The following EPB41 variants were observed in gnomAD, a reference collection of about 807,000 sequenced individuals.
The protein encoded by EPB41 is protein 4.1.
A neutral mutation model predicts 108.0 loss-of-function variants in EPB41; 65 were observed. That is an observed-to-expected ratio of 0.60 (90% CI 0.49 to 0.74). The LOEUF (loss-of-function observed/expected upper bound fraction) is 0.74. EPB41 is among the 30% of genes least tolerant of loss of function. The pLI is 0.00. For synonymous variants in EPB41, 336 were observed against 358.9 expected, an observed-to-expected ratio of 0.94 and a Z score of 0.72; for missense variants, 875 against 1,037.0, an observed-to-expected ratio of 0.84 and a Z score of 2.15.
intron 16 of EPB41, chr1:29,071,011 A>G (rs1651091916): frequency 6.3e-6 from 1 of 158,890 alleles, no homozygotes; most frequent in Non-Finnish European, 1.4e-5. Context: ...TATTTTCCTA[A>G]TCCTCTATAG....
At chr1:28,974,512 C>T (rs541366807) in intron 1 of EPB41, among the ~76,000 whole-genome samples, 1 of 152,172 alleles carries the variant, frequency 6.6e-6, no homozygotes, top group Admixed American at 6.5e-5. Flanking sequence ...GAAGAAGACT[C>T]ATACAAACAT....
intron 5 of EPB41, 93 bp downstream of exon 5, chr1:29,012,000 A>G (rs951929130): frequency 2.3e-6 from 3 of 1,315,182 alleles, no homozygotes; most frequent in Non-Finnish European, 3.3e-6. Flanking sequence ...GTCACTTTAG[A>G]ATCCTGACTA....
intron 16 of EPB41, among the ~76,000 whole-genome samples, chr1:29,090,617 G>A (rs1435977267): frequency 6.6e-6 from 1 of 152,172 alleles, no homozygotes; most frequent in Non-Finnish European, 1.5e-5. Context: ...GGGCGCGATG[G>A]CAAATGCCTG....
At chr1:29,065,298 A>G in intron 16 of EPB41, 140 bp downstream of exon 16, 1 of 1,359,272 alleles carries the variant, frequency 7.4e-7, no homozygotes, top group Non-Finnish European at 9.6e-7. Flanking sequence ...GCTTTAAGGC[A>G]TTTGTAATCA....
At chr1:29,057,334 C>G (rs1481114766) in intron 12 of EPB41, among the ~76,000 whole-genome samples, 1 of 137,062 alleles carries the variant, frequency 7.3e-6, no homozygotes, top group Non-Finnish European at 1.5e-5. Flanking sequence ...CGAGATCGCA[C>G]CTGCACTCCA....
At chr1:29,086,977 C>G (rs1161489880) in intron 16 of EPB41, among the ~76,000 whole-genome samples, 3 of 112,516 alleles carry the variant, frequency 2.7e-5, no homozygotes, top group Non-Finnish European at 5.0e-5. Flanking sequence ...CAGAGTCTTG[C>G]TCTGTCGCCC....
At chr1:28,907,214 G>A (rs576612726) in intron 1 of EPB41, among the ~76,000 whole-genome samples, 13 of 151,696 alleles carry the variant, frequency 8.6e-5, no homozygotes, top group East Asian at 3.9e-4. Flanking sequence ...ACAGGTGCCC[G>A]CGACCACACC....
At chr1:29,028,510 C>T (rs1038493185) in intron 7 of EPB41, among the ~76,000 whole-genome samples, 7 of 152,146 alleles carry the variant, frequency 4.6e-5, no homozygotes, top group South Asian at 2.1e-4. Context: ...TCTAGAAATA[C>T]GCATTATTAT....
chr1:29,056,233 CAAA>C (rs1388048465), intron 12 of EPB41, among the ~76,000 whole-genome samples: 79 of 56,542 alleles, frequency 1.4e-3, no homozygotes, highest in Non-Finnish European at 2.5e-3. Context: ...GACTCCGTCT[CAAA>C]AAAAAAAAAA....
At chr1:28,922,773 G>A (rs987004844) in intron 1 of EPB41, among the ~76,000 whole-genome samples, 2 of 151,930 alleles carry the variant, frequency 1.3e-5, no homozygotes, top group East Asian at 3.9e-4. Context: ...GACTATAGGT[G>A]TGTGCTACCA....
chr1:28,940,641 G>C (rs943261976), intron 1 of EPB41, among the ~76,000 whole-genome samples: 1 of 152,044 alleles, frequency 6.6e-6, no homozygotes, highest in Non-Finnish European at 1.5e-5. Flanking sequence ...GACAGAGCGA[G>C]ACTCTGTGTC....
chr1:29,006,233 A>AT (rs1279464099), intron 4 of EPB41, among the ~76,000 whole-genome samples: 2 of 134,572 alleles, frequency 1.5e-5, no homozygotes, highest in Non-Finnish European at 1.6e-5. Context: ...CATCCCAAAG[A>AT]ATTTTTTTTT....
chr1:28,964,420 A>G (rs1474156338), intron 1 of EPB41, among the ~76,000 whole-genome samples: 2 of 150,822 alleles, frequency 1.3e-5, no homozygotes, highest in African/African-American at 4.9e-5. Flanking sequence ...CCAGCCTGTC[A>G]ATAGAGTGAG....
intron 14 of EPB41, among the ~76,000 whole-genome samples, chr1:29,059,235 A>G (rs534657265): frequency 1.3e-5 from 2 of 152,312 alleles, no homozygotes; most frequent in African/African-American, 2.4e-5. Flanking sequence ...AGATCGTGCC[A>G]CCGTGCTCCA....
Position 28,926,029 on chromosome 1 carries a change from C to T in EPB41, c.-8+11261C>T, listed in dbSNP as rs547379431. 6.3e-5 allele frequency among the ~76,000 whole-genome samples: 9 copies of T among 143,880 alleles called. No individual in the cohort carries two copies. The South Asian group carries it at 2.1e-3, about 33-fold the overall frequency. The allele number at this position is 143,880 out of a possible 152,430, so 94.4% of individuals were successfully genotyped here. A position where few individuals can be genotyped will look rare whatever the true frequency, so the allele number is the denominator to read the frequency against. ...AGGAGTTTGAGACTAGCCTGGGCAA[C>T]ATAGAGAGACCCTTGTCTCAAAAAA... On this transcript the variant is annotated intron_variant, in intron 1 of 20. Coordinates refer to ENST00000343067, the MANE Select transcript of EPB41 (RefSeq NM_001376013.1).
chr1:29,102,501 A>G (rs1048584397), intron 17 of EPB41, among the ~76,000 whole-genome samples: 3 of 152,184 alleles, frequency 2.0e-5, no homozygotes, highest in Admixed American at 2.0e-4. Context: ...TCGGGTCAGG[A>G]GTGGGAGGGA....
At chr1:29,042,154 G>A (rs747078054) in intron 11 of EPB41, among the ~76,000 whole-genome samples, 2 of 152,178 alleles carry the variant, frequency 1.3e-5, no homozygotes, top group African/African-American at 4.8e-5. Flanking sequence ...TTTCCATGAT[G>A]TGAGGAAATT....
intron 16 of EPB41, among the ~76,000 whole-genome samples, chr1:29,090,372 T>G (rs906202058): frequency 2.0e-5 from 3 of 152,188 alleles, no homozygotes; most frequent in African/African-American, 7.2e-5. Context: ...CGGATAAATG[T>G]AAGGAAGAAG....
intron 1 of EPB41, among the ~76,000 whole-genome samples, chr1:28,971,135 A>G (rs1326830626): frequency 2.1e-5 from 3 of 145,340 alleles, no homozygotes; most frequent in Non-Finnish European, 4.5e-5. Context: ...GGCATGAGCC[A>G]CCACACCCGG....
Sources: gnomAD v4.1 joint callset for allele counts (sites outside exome capture counted in the v4.1 genomes callset) on GRCh38, gnomAD v4.1.1 for gene constraint, MANE v1.5 for transcripts, NCBI Gene and HGNC (gene_info 2026-07-23, HGNC 2026-07-21) for gene names.